Variants in ATP9B observed in about 807,000 individuals in gnomAD.
The protein encoded by ATP9B is probable phospholipid-transporting ATPase IIB.
Under a neutral mutation model 146.1 loss-of-function variants are expected in ATP9B, and 110 were observed. That is an observed-to-expected ratio of 0.75 (90% confidence interval 0.65 to 0.88). The LOEUF is 0.88. ATP9B is among the 40% of genes least tolerant of loss of function. ATP9B has a pLI of 0.00. For missense variants in ATP9B, 1,499 were observed against 1,496.4 expected, an observed-to-expected ratio of 1.00 and a Z score of -0.03; for synonymous variants, 604 against 569.7, an observed-to-expected ratio of 1.06 and a Z score of -0.86.
chr18:79,195,325 G>A (rs538212257), intron 9 of ATP9B, among the ~76,000 whole-genome samples: 34 of 152,262 alleles, frequency 2.2e-4, no homozygotes, highest in African/African-American at 6.7e-4. Flanking sequence ...ATAGCTCATT[G>A]CAACCTCAAA....
intron 5 of ATP9B, among the ~76,000 whole-genome samples, chr18:79,134,060 C>T (rs529289301): frequency 4.6e-5 from 7 of 152,350 alleles, no homozygotes; most frequent in South Asian, 4.1e-4. Context: ...ACCCTTGAGT[C>T]GCATGTGACT....
intron 5 of ATP9B, among the ~76,000 whole-genome samples, chr18:79,133,814 T>C (rs2094413417): frequency 6.6e-6 from 1 of 152,182 alleles, no homozygotes; most frequent in Non-Finnish European, 1.5e-5. Context: ...CGGACTGAGG[T>C]CTGCCCCCCG....
intron 21 of ATP9B, 84 bp downstream of exon 21, chr18:79,344,438 C>T (rs1179992597): frequency 7.9e-7 from 1 of 1,272,826 alleles, no homozygotes; most frequent in Non-Finnish European, 1.1e-6. Flanking sequence ...GTTTGTCTCT[C>T]AGGCAAGGCT....
At position 79,277,183 on chromosome 18, in the gene ATP9B, G is replaced by A; in HGVS notation, c.1398G>A (p.Leu466=). ...PEELGRLVYL[L]TDKTGTLTQN... ...AACTTGGGCGCCTGGTGTATTTATT[G>A]ACAGACAAAACAGGTACTGTTCGTG... The change falls in exon 13 of 30, where the codon TTG becomes TTA. Residue 466 remains leucine, a synonymous_variant. Transcript: ENST00000426216. 6.2e-7 allele frequency: 1 copy of A among 1,614,210 alleles called. No individual in the cohort carries two copies. Among genetic ancestry groups the A allele is most frequent in the Non-Finnish European group, 8.5e-7 (1 of 1,180,036 alleles).
At chr18:79,344,240 G>A (rs980653130) in intron 20 of ATP9B, 25 bp from the exon 21 acceptor site, 1 of 1,600,360 alleles carries the variant, frequency 6.2e-7, no homozygotes, top group African/African-American at 1.3e-5. Context: ...TTTTAATTTG[G>A]GATTCTTTTT....
chr18:79,204,764 G>A (rs551468411), intron 9 of ATP9B, among the ~76,000 whole-genome samples: 13 of 152,256 alleles, frequency 8.5e-5, no homozygotes, highest in Admixed American at 2.0e-4. Flanking sequence ...TCTGCAGGGC[G>A]CCTGCTCCTT....
intron 12 of ATP9B, among the ~76,000 whole-genome samples, chr18:79,272,007 TTG>T (rs2096260781): frequency 6.6e-6 from 1 of 152,246 alleles, no homozygotes; most frequent in African/African-American, 2.4e-5. Flanking sequence ...GAGCATTTTT[TTG>T]TGTGTCTTTT....
chr18:79,193,001 A>T (rs1405732490), intron 8 of ATP9B, among the ~76,000 whole-genome samples, 182 bp from the exon 9 acceptor site: 1 of 152,218 alleles, frequency 6.6e-6, no homozygotes, highest in Non-Finnish European at 1.5e-5. Context: ...TGTCAAGCTT[A>T]AAAATGGTTT....
At chr18:79,254,556 G>A (rs114484198) in intron 12 of ATP9B, 4 of 152,390 alleles carry the variant, frequency 2.6e-5, no homozygotes, top group African/African-American at 7.2e-5. Context: ...GGGTGGCCAG[G>A]CCTGTGCAGA....
intron 11 of ATP9B, among the ~76,000 whole-genome samples, chr18:79,223,111 T>G (rs2095696636): frequency 2.6e-5 from 4 of 152,180 alleles, no homozygotes; most frequent in African/African-American, 4.8e-5. Context: ...GGCAGAGAGA[T>G]AGGTGACATG....
intron 12 of ATP9B, among the ~76,000 whole-genome samples, chr18:79,269,073 G>T (rs1406968474): frequency 6.6e-6 from 1 of 152,070 alleles, no homozygotes; most frequent in East Asian, 1.9e-4. Context: ...GGATTTGTTG[G>T]GCTTCTTGAC....
At chr18:79,282,098 A>G (rs1022659268) in intron 13 of ATP9B, among the ~76,000 whole-genome samples, 9 of 152,240 alleles carry the variant, frequency 5.9e-5, no homozygotes, top group Non-Finnish European at 1.3e-4. Context: ...TGGAGCCTGA[A>G]GATGACTGAA....
intron 15 of ATP9B, among the ~76,000 whole-genome samples, chr18:79,323,109 C>A (rs555514135): frequency 6.6e-6 from 1 of 152,006 alleles, no homozygotes; most frequent in African/African-American, 2.4e-5. Context: ...AGTAATCCTC[C>A]GTTTATCGTT....
intron 1 of ATP9B, among the ~76,000 whole-genome samples, chr18:79,092,440 T>A (rs1383646965): frequency 6.6e-6 from 1 of 152,146 alleles, no homozygotes; most frequent in Non-Finnish European, 1.5e-5. Flanking sequence ...AGGACACAAA[T>A]TTACAGTGTG....
chr18:79,291,341 T>A (rs1186114962), intron 13 of ATP9B, among the ~76,000 whole-genome samples: 2 of 152,218 alleles, frequency 1.3e-5, no homozygotes, highest in African/African-American at 2.4e-5. Context: ...CATATTAATT[T>A]CTGTTGTATT....
intron 4 of ATP9B, among the ~76,000 whole-genome samples, chr18:79,120,511 A>G (rs1323730194): frequency 6.6e-6 from 1 of 152,208 alleles, no homozygotes; most frequent in Admixed American, 6.5e-5. Context: ...TTTCTGTTAT[A>G]CTTCCCATAT....
intron 8 of ATP9B, among the ~76,000 whole-genome samples, chr18:79,185,300 A>G (rs1010633486): frequency 1.3e-4 from 20 of 152,218 alleles, no homozygotes; most frequent in African/African-American, 4.8e-4. Context: ...GCTCTTTGCC[A>G]TGATTATAGG....
rs558598159 is a variant in ATP9B, at chr18:79,284,558, A to G, written c.1411+7362A>G. Among the ~76,000 whole-genome samples the G allele has an allele frequency of 4.6e-5, 7 of 152,328 alleles. No homozygotes were observed. The South Asian group carries it at 1.4e-3, about 32-fold the overall frequency. ...GTCAAATATTTTCAAAATTCAAAGC[A>G]TACTTTAAAGATTGGCAAATTAGTC... On this transcript the variant is annotated intron_variant, in intron 13 of 29. Coordinates refer to ENST00000426216, the MANE Select transcript of ATP9B (RefSeq NM_198531.5).
At chr18:79,366,140 G>A (rs549878573) in intron 26 of ATP9B, among the ~76,000 whole-genome samples, 251 of 152,354 alleles carry the variant, frequency 1.6e-3, no homozygotes, top group African/African-American at 5.6e-3. Flanking sequence ...GTGCAGAACT[G>A]TAGGGAAGAG....
Sources: allele counts gnomAD v4.1 joint callset (sites outside exome capture counted in the v4.1 genomes callset), GRCh38; gene constraint gnomAD v4.1.1; transcripts MANE v1.5; gene names NCBI Gene and HGNC (gene_info 2026-07-23, HGNC 2026-07-21).